SMTN: variants seen among roughly 807,000 people sequenced by gnomAD.
SMTN encodes the protein smoothelin.
In SMTN, 58 loss-of-function variants were observed where a neutral mutation model predicts 102.0. The ratio of observed to expected loss-of-function variants is 0.57; its 90% CI spans 0.46 to 0.71. SMTN has a LOEUF of 0.71. Among genes scored for constraint, SMTN ranks in the 30% least tolerant of loss-of-function variants. SMTN has a pLI of 0.00. For missense variants in SMTN, 1,185 were observed against 1,241.7 expected, an observed-to-expected ratio of 0.95 and a Z score of 0.69; for synonymous variants, 478 against 497.9, an observed-to-expected ratio of 0.96 and a Z score of 0.53.
At chr22:31,083,658 C>T (rs2042461304) in intron 2 of SMTN, 1 of 211,570 alleles carries the variant, frequency 4.7e-6, no homozygotes, top group South Asian at 8.5e-5. Context: ...GAAGCTGGCC[C>T]AGTGATAATG....
rs138277498 is a variant in SMTN, at chr22:31,095,202, G to T, written c.1633-101G>T. ...TGGCAGGCTAGTGGTTATTTCCAAGGCGTGCCAGCAACCCTAGGATCTGCT... is the reference window on the plus strand; with the variant it reads ...TGGCAGGCTAGTGGTTATTTCCAAGTCGTGCCAGCAACCCTAGGATCTGCT... On this transcript the variant is annotated intron_variant, in intron 11 of 20. Coordinates refer to ENST00000333137, the MANE Select transcript of SMTN (RefSeq NM_134269.3). The surrounding 1 kb of genome is among the most constrained non-coding windows in gnomAD (Gnocchi z 4.1). 1.9e-5 allele frequency: 24 copies of T among 1,251,992 alleles called. No homozygotes were observed. In the Middle Eastern group the frequency reaches 8.5e-4, roughly 45 times the overall value. 77.6% of individuals were successfully genotyped at this position (1,251,992 alleles called of 1,614,324 possible).
At chr22:31,076,859 C>T (rs555542869), upstream of SMTN, among the ~76,000 whole-genome samples, 4 of 152,298 alleles carry the variant, frequency 2.6e-5, no homozygotes, top group East Asian at 3.9e-4. Flanking sequence ...TATTCATTCT[C>T]GGACTGGACT....
chr22:31,085,632 A>G (rs1311904063), intron 2 of SMTN, among the ~76,000 whole-genome samples: 3 of 152,082 alleles, frequency 2.0e-5, no homozygotes, highest in African/African-American at 7.2e-5. Context: ...CTCGGTAGAC[A>G]ATGGCGCTTT....
At chr22:31,092,631 G>A in intron 11 of SMTN, 1 of 449,486 alleles carries the variant, frequency 2.2e-6, no homozygotes, top group South Asian at 1.6e-5. Flanking sequence ...GGGAGAGAGT[G>A]AGGGAAATAA....
Position 31,088,911 on chromosome 22 carries a change from A to G in SMTN, c.413A>G (p.Asn138Ser), listed in dbSNP as rs2042911995. 1.2e-6 allele frequency: 2 copies of G among 1,613,910 alleles called. No homozygotes were observed. The highest frequency in any genetic ancestry group is 4.5e-5 in the East Asian group (2 of 44,876). Residue 138 changes from asparagine to serine, a missense_variant, in exon 6 of 21, where the codon AAC becomes AGC. Asn to Ser is a conservative substitution (Grantham distance 46, BLOSUM62 1). Transcript: ENST00000333137. ...LAGRLYSGRP[N>S]SGSREDSKGL... is the part of the protein sequence containing the mutation. ...GGGAGGTTGTACAGCGGGCGTCCCA[A>G]CAGTGGCTCAAGAGAGGACAGCAAG...
chr22:31,096,518 C>T, intron 13 of SMTN: 1 of 475,352 alleles, frequency 2.1e-6, no homozygotes, highest in South Asian at 4.9e-5. Flanking sequence ...TAGTTTCTGC[C>T]TGAGTCCATC....
rs1345957993 is a variant in SMTN at position 31,088,747 on chromosome 22, A to G, written c.343A>G (p.Ile115Val). The G allele has an allele frequency of 6.2e-7, 1 of 1,613,378 alleles. No individual in the cohort carries two copies. The highest frequency in any genetic ancestry group is 1.7e-5 in the Admixed American group (1 of 59,858). Reference sequence around the variant, plus strand: ...GGAGCGCAAGCTGATCCGAGCTGCCATCCGCCGTGTACGGGCTCAGGAGAT... The same window carrying G: ...GGAGCGCAAGCTGATCCGAGCTGCCGTCCGCCGTGTACGGGCTCAGGAGAT... ...YEERKLIRAA[I>V]RRVRAQEIEA... The change falls in exon 5 of 21, where the codon ATC becomes GTC. Residue 115 changes from isoleucine to valine, a missense_variant. Transcript: ENST00000333137.
intron 11 of SMTN, among the ~76,000 whole-genome samples, chr22:31,093,095 A>G (rs1351914899): frequency 1.3e-5 from 2 of 152,218 alleles, no homozygotes; most frequent in African/African-American, 4.8e-5. Context: ...TCCCTGCCTC[A>G]GTTTCCCCAC....
rs116008180 is a variant in SMTN, at chr22:31,090,788, C to T, written c.866-20C>T. The T allele has an allele frequency of 6.3e-7, 1 of 1,598,328 alleles. No homozygotes were observed. The highest frequency in any genetic ancestry group is 1.7e-5 in the Admixed American group (1 of 59,964). On this transcript the variant is annotated intron_variant, in intron 8 of 20. Coordinates refer to ENST00000333137, the MANE Select transcript of SMTN (RefSeq NM_134269.3). ...TTTCTCTTTCCCCACATGGCCATCA[C>T]CCCCTCCCCAACCTGCCAGACGTGG...
intron 1 of SMTN, chr22:31,065,560 G>A (rs1444456252): frequency 1.3e-5 from 2 of 152,042 alleles, no homozygotes; most frequent in African/African-American, 4.8e-5. Flanking sequence ...ATGTTGGCCA[G>A]GCTGGTCTCA....
intron 13 of SMTN, chr22:31,096,465 T>G: frequency 2.6e-6 from 1 of 389,448 alleles, no homozygotes; most frequent in Non-Finnish European, 4.6e-6. Context: ...TAGAAACCCT[T>G]TTTGGATCCA....
intron 2 of SMTN, 67 bp from the exon 3 acceptor site, chr22:31,087,898 G>A (rs775600360): frequency 4.4e-5 from 66 of 1,485,318 alleles, no homozygotes; most frequent in African/African-American, 8.4e-5. Flanking sequence ...AGGCAGAGCC[G>A]TGGGCAGCTG....
Position 31,098,778 on chromosome 22 carries a change from G to A in SMTN, c.2271G>A (p.Lys757=). Residue 757 remains lysine (K), a synonymous_variant, in exon 17 of 21, where the codon AAG becomes AAA. Coordinates refer to ENST00000333137, the MANE Select transcript of SMTN (RefSeq NM_134269.3). ...TGATGAAGGCGCAGAGTCTGCCCAA[G>A]ACCTCAGCCTCCCAGGCGCGCAAGG... The part of the protein sequence containing the change: ...KELMKAQSLP[K]TSASQARKAM... 1 of 1,613,212 alleles carries A rather than the reference G, an allele frequency of 6.2e-7. No homozygotes were observed. The highest frequency in any genetic ancestry group is 8.5e-7 in the Non-Finnish European group (1 of 1,179,878).
intron 1 of SMTN, among the ~76,000 whole-genome samples, chr22:31,074,839 G>T (rs2042091875): frequency 6.6e-6 from 1 of 152,108 alleles, no homozygotes; most frequent in African/African-American, 2.4e-5. Flanking sequence ...CAAAACACAG[G>T]TGCTGGAAGA....
chr22:31,100,790 C>G, intron 19 of SMTN, 95 bp from the exon 20 acceptor site: 1 of 655,634 alleles, frequency 1.5e-6, no homozygotes, highest in Non-Finnish European at 2.7e-6. Flanking sequence ...GTTTCCTCCC[C>G]TCTCTCTTCT....
chr22:31,100,187 CCTCT>C (rs374261853), intron 19 of SMTN, among the ~76,000 whole-genome samples: 21 of 152,038 alleles, frequency 1.4e-4, no homozygotes, highest in African/African-American at 5.1e-4. Context: ...CCCCCTTCTC[CCTCT>C]CTCTCCCTTT....
At chr22:31,104,214 A>C (rs1042024580) in intron 20 of SMTN, 102 bp from the exon 21 acceptor site, 1 of 1,358,764 alleles carries the variant, frequency 7.4e-7, no homozygotes, top group Non-Finnish European at 1.0e-6. Flanking sequence ...AGTTTATGAA[A>C]GACCAGCAGG....
At chr22:31,084,068 G>A (rs2042491711) in intron 2 of SMTN, among the ~76,000 whole-genome samples, 1 of 152,214 alleles carries the variant, frequency 6.6e-6, no homozygotes, top group Admixed American at 6.5e-5. Context: ...AATGAGGCAT[G>A]GACCCAGATC....
intron 1 of SMTN, chr22:31,082,281 A>C (rs2042358702): frequency 7.9e-6 from 2 of 253,896 alleles, no homozygotes; most frequent in Admixed American, 4.4e-5. Flanking sequence ...GGAAGGAGAG[A>C]TCTGCGCTGG....
Sources: gnomAD v4.1 joint callset for allele counts (sites outside exome capture counted in the v4.1 genomes callset) on GRCh38, gnomAD v4.1.1 for gene constraint, Gnocchi (gnomAD v3.1) non-coding constraint, MANE v1.5 for transcripts, NCBI Gene and HGNC (gene_info 2026-07-23, HGNC 2026-07-21) for gene names.